CRACR2A: variants seen among roughly 807,000 people sequenced by gnomAD.
The protein encoded by CRACR2A is EF-hand calcium-binding domain-containing protein 4B.
A neutral mutation model predicts 90.5 loss-of-function variants in CRACR2A; 79 were observed. That is an observed-to-expected ratio of 0.87 (90% CI 0.73 to 1.05). The LOEUF (loss-of-function observed/expected upper bound fraction) is 1.05. CRACR2A is among the 50% of genes least tolerant of loss of function. CRACR2A has a pLI of 0.00. For synonymous variants in CRACR2A, 338 were observed against 356.7 expected, an observed-to-expected ratio of 0.95 and a Z score of 0.59; for missense variants, 823 against 897.2, an observed-to-expected ratio of 0.92 and a Z score of 1.06.
intron 1 of CRACR2A, among the ~76,000 whole-genome samples, chr12:3,745,824 AT>A (rs1389741101): frequency 7.4e-6 from 1 of 134,310 alleles, no homozygotes; most frequent in African/African-American, 2.7e-5. Flanking sequence ...ATAAAATAAA[AT>A]AAAGAAAGAA....
chr12:3,680,790 A>G (rs1945432937), intron 4 of CRACR2A, among the ~76,000 whole-genome samples: 1 of 152,222 alleles, frequency 6.6e-6, no homozygotes, highest in South Asian at 2.1e-4. Context: ...AACATCTGTA[A>G]AGGACTCAAA....
intron 2 of CRACR2A, among the ~76,000 whole-genome samples, chr12:3,717,469 G>T (rs1320343452): frequency 1.3e-5 from 2 of 152,144 alleles, no homozygotes; most frequent in African/African-American, 4.8e-5. Context: ...TTCAAGTCAG[G>T]TTATGTTCTC....
At chr12:3,728,850 A>G (rs1946314518) in intron 2 of CRACR2A, 1 of 152,216 alleles carries the variant, frequency 6.6e-6, no homozygotes, top group African/African-American at 2.4e-5. Flanking sequence ...CTGCGGGCAG[A>G]AGGATGGCTC....
chr12:3,634,093 G>A (rs1299975253), intron 14 of CRACR2A, among the ~76,000 whole-genome samples: 1 of 152,212 alleles, frequency 6.6e-6, no homozygotes, highest in African/African-American at 2.4e-5. Context: ...GGGGCACAGA[G>A]GAGGGGATCT....
chr12:3,729,155 T>C (rs1333591794), intron 2 of CRACR2A: 2 of 152,196 alleles, frequency 1.3e-5, no homozygotes, highest in African/African-American at 2.4e-5. Flanking sequence ...AGGTGCTCAA[T>C]ACATGTTCTT....
chr12:3,675,426 A>C (rs899971440), intron 6 of CRACR2A, among the ~76,000 whole-genome samples: 1 of 152,208 alleles, frequency 6.6e-6, no homozygotes, highest in African/African-American at 2.4e-5. Flanking sequence ...TGATGGCATC[A>C]GTAGGTGAGG....
chr12:3,660,144 T>C (rs889358013), intron 7 of CRACR2A, among the ~76,000 whole-genome samples: 7 of 152,146 alleles, frequency 4.6e-5, no homozygotes, highest in African/African-American at 1.2e-4. Context: ...CCTGTCCACA[T>C]CAGGACCCTC....
Position 3,638,434 on chromosome 12 carries a change from T to C in CRACR2A, c.1292A>G (p.Glu431Gly), listed in dbSNP as rs945702664. The C allele has an allele frequency of 4.6e-6, 7 of 1,520,716 alleles. No individual in the cohort carries two copies. Among genetic ancestry groups the C allele is most frequent in the Middle Eastern group, 1.7e-4 (1 of 5,884 alleles). 94.2% of individuals were successfully genotyped at this position (1,520,716 alleles called of 1,614,324 possible). ...GCTTCTCCTTGGGATGCCAAACACC[T>C]CCTCCTCCTCCTCTGACTGGCTACT... ...ILRSQSEEEE[E>G]VFGIPRRSSL... is the part of the protein sequence containing the mutation. The change falls in exon 14 of 20, where the codon GAG becomes GGG. Residue 431 changes from glutamate (E) to glycine (G), a missense_variant. By Grantham distance (98) the Glu-to-Gly change is moderately conservative. Transcript: ENST00000440314.
chr12:3,673,678 C>T, intron 6 of CRACR2A, 86 bp from the exon 7 acceptor site: 1 of 1,506,878 alleles, frequency 6.6e-7, no homozygotes, highest in Non-Finnish European at 9.0e-7. Context: ...AACTGACAGC[C>T]AGAAACAGTA....
intron 18 of CRACR2A, among the ~76,000 whole-genome samples, chr12:3,619,030 G>A (rs930628366): frequency 2.0e-5 from 3 of 152,184 alleles, no homozygotes; most frequent in East Asian, 1.9e-4. Flanking sequence ...GGGACTTTAG[G>A]ATAATTCCCC....
At chr12:3,699,644 C>T (rs1945802334) in intron 3 of CRACR2A, among the ~76,000 whole-genome samples, 1 of 152,168 alleles carries the variant, frequency 6.6e-6, no homozygotes, top group African/African-American at 2.4e-5. Context: ...GACCACTTTC[C>T]CTCTACCTCT....
At chr12:3,635,507 T>C (rs1028440840) in intron 14 of CRACR2A, among the ~76,000 whole-genome samples, 2 of 151,776 alleles carry the variant, frequency 1.3e-5, no homozygotes, top group African/African-American at 4.9e-5. Flanking sequence ...TTCATATCTT[T>C]TTATTTTTAT....
chr12:3,748,592 C>G (rs1454223201), intron 1 of CRACR2A, among the ~76,000 whole-genome samples: 1 of 152,188 alleles, frequency 6.6e-6, no homozygotes, highest in Non-Finnish European at 1.5e-5. Context: ...CAGGGTGGCA[C>G]CCTCTAGTTG....
intron 3 of CRACR2A, among the ~76,000 whole-genome samples, chr12:3,709,148 G>A (rs1261579419): frequency 6.6e-6 from 1 of 152,228 alleles, no homozygotes; most frequent in Non-Finnish European, 1.5e-5. Context: ...AGCCACTTGT[G>A]TGTGCAATAA....
chr12:3,646,582 A>G (rs774149036), intron 11 of CRACR2A, among the ~76,000 whole-genome samples: 1 of 152,218 alleles, frequency 6.6e-6, no homozygotes, highest in Non-Finnish European at 1.5e-5. Context: ...TGAGGTGAGC[A>G]GGCAGGCACA....
At chr12:3,673,634 G>C (rs372229204) in intron 6 of CRACR2A, 42 bp from the exon 7 acceptor site, 2 of 1,600,032 alleles carry the variant, frequency 1.2e-6, no homozygotes, top group South Asian at 1.1e-5. Context: ...TGGAGATGAG[G>C]CTTCACGGGA....
intron 17 of CRACR2A, among the ~76,000 whole-genome samples, chr12:3,624,700 G>A (rs1042022344): frequency 6.6e-6 from 1 of 152,178 alleles, no homozygotes; most frequent in South Asian, 2.1e-4. Context: ...AGGCATCTTC[G>A]GAAATGACTT....
intron 7 of CRACR2A, among the ~76,000 whole-genome samples, chr12:3,673,163 G>A (rs945932266): frequency 6.6e-6 from 1 of 152,206 alleles, no homozygotes; most frequent in Non-Finnish European, 1.5e-5. Context: ...GATAATAAAT[G>A]TGCAAAATGA....
chr12:3,705,333 A>G (rs574116723), intron 3 of CRACR2A, among the ~76,000 whole-genome samples: 1 of 152,330 alleles, frequency 6.6e-6, no homozygotes, highest in Non-Finnish European at 1.5e-5. Flanking sequence ...AGGTAATTCT[A>G]GCAGCTTAGT....
Sources: allele counts gnomAD v4.1 joint callset (sites outside exome capture counted in the v4.1 genomes callset), GRCh38; gene constraint gnomAD v4.1.1; transcripts MANE v1.5; gene names NCBI Gene and HGNC (gene_info 2026-07-23, HGNC 2026-07-21).